Variants in OR2C1 observed in about 807,000 individuals in gnomAD.
OR2C1 encodes olfactory receptor family 2 subfamily C member 1.
For missense variants in OR2C1, 468 were observed against 388.3 expected (o/e 1.21, Z -1.73); for synonymous variants, 209 against 167.3 (o/e 1.25, Z -1.92).
chr16:3,357,043 T>C lies in OR2C1; in HGVS notation c.*164T>C, dbSNP rs983387972. On this transcript the variant is annotated 3_prime_UTR_variant, in exon 1 of 1. Coordinates refer to ENST00000304936, the MANE Select transcript of OR2C1 (RefSeq NM_012368.3). ...TAAGCTGTTGGGAACATGGTTAGTG[T>C]TATTCGTAATGTTCTACACTTATTT... The C allele has an allele frequency of 1.4e-5, 9 of 639,070 alleles. No individual in the cohort carries two copies. Among genetic ancestry groups the C allele is most frequent in the African/African-American group, 5.5e-5 (3 of 54,282 alleles). The allele number at this position is 639,070 out of a possible 1,614,324, so 39.6% of individuals were successfully genotyped here.
chr16:3,323,053 C>A, the OR2C1 span: 1,006 of 585,868 alleles, frequency 1.7e-3, 10 homozygotes, highest in African/African-American at 0.019. Flanking sequence ...TTTTTTTTAA[C>A]CCTTCCTTTC....
chr16:3,333,431 G>T, the OR2C1 span, among the ~76,000 whole-genome samples: 2 of 151,782 alleles, frequency 1.3e-5, no homozygotes, highest in East Asian at 3.9e-4. Context: ...CGCCTCCCGG[G>T]TTCGCGCCAT....
At chr16:3,338,251 C>G in the OR2C1 span, among the ~76,000 whole-genome samples, 3 of 152,194 alleles carry the variant, frequency 2.0e-5, no homozygotes, top group Admixed American at 6.5e-5. Context: ...TCCACTTACC[C>G]TCTTTGACTC....
At chr16:3,346,744 C>G in the OR2C1 span, among the ~76,000 whole-genome samples, 1 of 150,164 alleles carries the variant, frequency 6.7e-6, no homozygotes, top group Non-Finnish European at 1.5e-5. Context: ...ATTTTCCTGC[C>G]TCAGCCTCCT....
At chr16:3,323,680 T>G in the OR2C1 span, 2 of 685,984 alleles carry the variant, frequency 2.9e-6, no homozygotes, top group African/African-American at 1.8e-5. Context: ...AATGTTTATC[T>G]GGCAATTCCA....
At chr16:3,353,042 C>T (rs1567285356), upstream of OR2C1, among the ~76,000 whole-genome samples, 2 of 151,760 alleles carry the variant, frequency 1.3e-5, no homozygotes, top group African/African-American at 4.8e-5. Flanking sequence ...TGCGCCCGGC[C>T]CTGTCTATTT....
chr16:3,349,627 G>C, the OR2C1 span, among the ~76,000 whole-genome samples: 24 of 152,178 alleles, frequency 1.6e-4, no homozygotes, highest in African/African-American at 5.8e-4. Context: ...GATTATTAAA[G>C]AATCCAGGAT....
At chr16:3,339,247 T>A in the OR2C1 span, among the ~76,000 whole-genome samples, 1 of 152,124 alleles carries the variant, frequency 6.6e-6, no homozygotes, top group Non-Finnish European at 1.5e-5. Flanking sequence ...ACAATTTGTT[T>A]ATCCACTCAT....
the OR2C1 span, among the ~76,000 whole-genome samples, chr16:3,346,740 C>A: frequency 6.7e-6 from 1 of 148,506 alleles, no homozygotes; most frequent in East Asian, 2.1e-4. Context: ...ATCAATTTTC[C>A]TGCCTCAGCC....
the OR2C1 span, among the ~76,000 whole-genome samples, chr16:3,332,092 G>A: frequency 1.8e-5 from 2 of 111,546 alleles, no homozygotes; most frequent in African/African-American, 6.7e-5. Context: ...GGGGGGAGGG[G>A]GGAGGGATAG....
chr16:3,355,511 G>A (rs2030650233), upstream of OR2C1, among the ~76,000 whole-genome samples: 1 of 124,248 alleles, frequency 8.0e-6, no homozygotes, highest in South Asian at 2.7e-4. Flanking sequence ...TCCAGGTGCA[G>A]TGGTTCATGC....
chr16:3,332,737 G>A, the OR2C1 span, among the ~76,000 whole-genome samples: 2 of 86,182 alleles, frequency 2.3e-5, no homozygotes, highest in African/African-American at 8.2e-5. Flanking sequence ...ATATATGTAT[G>A]CACATATACA....
chr16:3,344,230 A>G, the OR2C1 span, among the ~76,000 whole-genome samples: 1 of 152,250 alleles, frequency 6.6e-6, no homozygotes, highest in East Asian at 1.9e-4. Context: ...TAAAAAAAAC[A>G]AAACAAAACA....
At chr16:3,333,989 G>C in the OR2C1 span, among the ~76,000 whole-genome samples, 7 of 151,570 alleles carry the variant, frequency 4.6e-5, no homozygotes, top group African/African-American at 1.7e-4. Context: ...TGGGGTGGTG[G>C]GGGGACAGGG....
At chr16:3,341,102 C>G in the OR2C1 span, among the ~76,000 whole-genome samples, 1 of 151,800 alleles carries the variant, frequency 6.6e-6, no homozygotes, top group Non-Finnish European at 1.5e-5. Context: ...GATGTCTTTC[C>G]TTTTATTTAT....
the OR2C1 span, among the ~76,000 whole-genome samples, chr16:3,340,373 C>G: frequency 6.6e-6 from 1 of 152,102 alleles, no homozygotes; most frequent in Admixed American, 6.5e-5. Context: ...AAACTCTCAT[C>G]CTATATGTGA....
chr16:3,334,358 G>A, the OR2C1 span, among the ~76,000 whole-genome samples: 4 of 150,956 alleles, frequency 2.6e-5, no homozygotes, highest in East Asian at 2.0e-4. Context: ...GGATGGTCTC[G>A]ATCTCTTGAC....
At chr16:3,328,411 C>T in the OR2C1 span, among the ~76,000 whole-genome samples, 2,602 of 152,312 alleles carry the variant, frequency 0.017, 72 homozygotes, top group African/African-American at 0.059. Context: ...GATTACTCCG[C>T]CTAAGTTTAC....
chr16:3,347,246 C>CAAAAAAA, the OR2C1 span, among the ~76,000 whole-genome samples: 33 of 64,490 alleles, frequency 5.1e-4, no homozygotes, highest in African/African-American at 1.8e-3. Flanking sequence ...GACTCTGTCT[C>CAAAAAAA]AAAAAAAAAA....
Sources: gnomAD v4.1 joint callset for allele counts (sites outside exome capture counted in the v4.1 genomes callset) on GRCh38, gnomAD v4.1.1 for gene constraint, MANE v1.5 for transcripts, NCBI Gene and HGNC (gene_info 2026-07-23, HGNC 2026-07-21) for gene names.